Variants in RHOJ observed in about 807,000 individuals in gnomAD.
RHOJ encodes the protein rho-related GTP-binding protein RhoJ.
Under a neutral mutation model 23.4 loss-of-function variants are expected in RHOJ, and 11 were observed. The ratio of observed to expected loss-of-function variants is 0.47; its 90% CI spans 0.30 to 0.78. The LOEUF is 0.78. Ranked by LOEUF, RHOJ falls within the 30% of genes least tolerant of loss-of-function variation. The pLI, the probability that RHOJ is intolerant of heterozygous loss-of-function variation, is 0.08. For synonymous variants in RHOJ, 102 were observed against 102.7 expected, an observed-to-expected ratio of 0.99 and a Z score of 0.04; for missense variants, 254 against 273.4, an observed-to-expected ratio of 0.93 and a Z score of 0.50.
chr14:63,205,645 T>C (rs1218892303), intron 1 of RHOJ, among the ~76,000 whole-genome samples: 4 of 152,216 alleles, frequency 2.6e-5, no homozygotes, highest in Non-Finnish European at 5.9e-5. Context: ...AGAAAAATAT[T>C]TAATTAACAT....
At chr14:63,248,521 T>C (rs1895015175) in intron 1 of RHOJ, among the ~76,000 whole-genome samples, 1 of 152,204 alleles carries the variant, frequency 6.6e-6, no homozygotes, top group Non-Finnish European at 1.5e-5. Context: ...TTTTACTATT[T>C]CGAGTAGATT....
intron 1 of RHOJ, among the ~76,000 whole-genome samples, chr14:63,251,057 A>ATTAT: frequency 6.6e-6 from 1 of 152,272 alleles, no homozygotes; most frequent in South Asian, 2.1e-4. Flanking sequence ...TAATTAATTA[A>ATTAT]TTTAAAAAAT....
intron 1 of RHOJ, among the ~76,000 whole-genome samples, chr14:63,237,420 T>G (rs925271408): frequency 6.6e-6 from 1 of 152,206 alleles, no homozygotes; most frequent in African/African-American, 2.4e-5. Flanking sequence ...TGAAACAGTA[T>G]AAATGTCAGA....
chr14:63,286,780 C>T (rs1335653998), intron 4 of RHOJ, among the ~76,000 whole-genome samples: 1 of 152,196 alleles, frequency 6.6e-6, no homozygotes. Context: ...TCAAGTAACA[C>T]ACTTTACATT....
chr14:63,264,431 T>C (rs1265630919), intron 1 of RHOJ, among the ~76,000 whole-genome samples: 1 of 152,228 alleles, frequency 6.6e-6, no homozygotes, highest in Non-Finnish European at 1.5e-5. Flanking sequence ...GATGGACACC[T>C]GGATTGATTT....
intron 1 of RHOJ, among the ~76,000 whole-genome samples, chr14:63,214,970 A>G (rs1894322651): frequency 6.6e-6 from 1 of 152,198 alleles, no homozygotes; most frequent in African/African-American, 2.4e-5. Context: ...GGAATCTTAA[A>G]AAAACAGGAA....
At chr14:63,260,569 T>C (rs1895254042) in intron 1 of RHOJ, among the ~76,000 whole-genome samples, 1 of 152,254 alleles carries the variant, frequency 6.6e-6, no homozygotes, top group Non-Finnish European at 1.5e-5. Context: ...TTTTACATGT[T>C]CATGATAGCA....
chr14:63,241,652 G>A (rs545684105), intron 1 of RHOJ, among the ~76,000 whole-genome samples: 5 of 152,068 alleles, frequency 3.3e-5, no homozygotes, highest in Non-Finnish European at 4.4e-5. Context: ...AAGAGGTTAC[G>A]AGGAAAAAAA....
chr14:63,210,832 A>G (rs996457006), intron 1 of RHOJ, among the ~76,000 whole-genome samples: 1 of 152,226 alleles, frequency 6.6e-6, no homozygotes, highest in Non-Finnish European at 1.5e-5. Context: ...ATTCCAGCTG[A>G]AACCTCTTTA....
At chr14:63,266,193 G>A (rs1485157578) in intron 1 of RHOJ, among the ~76,000 whole-genome samples, 1 of 152,134 alleles carries the variant, frequency 6.6e-6, no homozygotes, top group Non-Finnish European at 1.5e-5. Context: ...TTTCTTTCAA[G>A]GCTTGTTCTC....
chr14:63,231,459 T>C (rs1296087384), intron 1 of RHOJ, among the ~76,000 whole-genome samples: 1 of 152,242 alleles, frequency 6.6e-6, no homozygotes, highest in Non-Finnish European at 1.5e-5. Flanking sequence ...CCTGGTTCCA[T>C]GGGCAAAGAA....
intron 1 of RHOJ, among the ~76,000 whole-genome samples, chr14:63,232,911 G>T (rs1201508836): frequency 1.3e-5 from 2 of 151,890 alleles, no homozygotes; most frequent in African/African-American, 2.4e-5. Context: ...GTCCAGGCTG[G>T]TATCAAACTC....
chr14:63,289,414 G>T (rs1313677811), intron 4 of RHOJ, among the ~76,000 whole-genome samples: 1 of 152,186 alleles, frequency 6.6e-6, no homozygotes, highest in African/African-American at 2.4e-5. Flanking sequence ...ATAGGCCTAT[G>T]ATTTTGCTAC....
chr14:63,224,209 A>C (rs1403278733), intron 1 of RHOJ, among the ~76,000 whole-genome samples: 1 of 152,196 alleles, frequency 6.6e-6, no homozygotes, highest in Non-Finnish European at 1.5e-5. Context: ...AATTAGCCAC[A>C]AGGCACAGCA....
At chr14:63,241,130 G>A (rs924663653) in intron 1 of RHOJ, among the ~76,000 whole-genome samples, 15 of 152,240 alleles carry the variant, frequency 9.9e-5, no homozygotes, top group African/African-American at 3.6e-4. Context: ...ATGCTGCTCA[G>A]GGAAAAGTCC....
At chr14:63,280,191 T>G (rs572331283) in intron 2 of RHOJ, among the ~76,000 whole-genome samples, 19 of 152,204 alleles carry the variant, frequency 1.2e-4, no homozygotes, top group Admixed American at 9.8e-4. Context: ...GCCCAGCTAA[T>G]TTTAGTATTT....
chr14:63,256,126 G>C (rs775240734), intron 1 of RHOJ, among the ~76,000 whole-genome samples: 10 of 152,054 alleles, frequency 6.6e-5, no homozygotes, highest in Non-Finnish European at 1.2e-4. Context: ...GGCTCAAGAA[G>C]CGATCCTCCT....
chr14:63,289,078 C>G (rs1002623654), intron 4 of RHOJ, among the ~76,000 whole-genome samples: 1 of 152,130 alleles, frequency 6.6e-6, no homozygotes. Context: ...GGGTTATTCC[C>G]GCTCTGTTCT....
At chr14:63,289,924 T>A (rs1882194209) in intron 4 of RHOJ, among the ~76,000 whole-genome samples, 1 of 152,142 alleles carries the variant, frequency 6.6e-6, no homozygotes. Context: ...GTTTTTTTTT[T>A]AACTTTTTAA....
Sources: gnomAD v4.1 joint callset for allele counts (sites outside exome capture counted in the v4.1 genomes callset) on GRCh38, gnomAD v4.1.1 for gene constraint, MANE v1.5 for transcripts, NCBI Gene and HGNC (gene_info 2026-07-23, HGNC 2026-07-21) for gene names.